Variants in UBE2D3 observed in about 807,000 individuals in gnomAD.
The protein encoded by UBE2D3 is ubiquitin-conjugating enzyme E2 D3.
Under a neutral mutation model 22.8 loss-of-function variants are expected in UBE2D3, and 2 were observed. That is an observed-to-expected ratio of 0.09 (90% CI 0.04 to 0.28). The LOEUF is 0.28. Ranked by LOEUF, UBE2D3 falls within the 10% of genes least tolerant of loss-of-function variation. UBE2D3 has a pLI of 1.00. For synonymous variants in UBE2D3, 56 were observed against 60.4 expected (o/e 0.93, Z 0.34); for missense variants, 27 against 182.5 (o/e 0.15, Z 4.91).
intron 1 of UBE2D3, among the ~76,000 whole-genome samples, chr4:102,844,744 C>T (rs547448030): frequency 2.6e-5 from 4 of 151,378 alleles, no homozygotes; most frequent in South Asian, 2.1e-4. Context: ...CAGCCTGGGC[C>T]GGGCGGTGGG....
At chr4:102,822,762 T>TGCCTCTACTAAAAAAACAAAGAAATTA (rs1729823430) in intron 2 of UBE2D3, among the ~76,000 whole-genome samples, 1 of 147,266 alleles carries the variant, frequency 6.8e-6, no homozygotes, top group African/African-American at 2.6e-5. Flanking sequence ...GGTGAAACCC[T>TGCCTCTACTAAAAAAACAAAGAAATTA]GCCTCTACTA....
At chr4:102,823,930 G>T (rs547317118) in intron 2 of UBE2D3, among the ~76,000 whole-genome samples, 1 of 152,204 alleles carries the variant, frequency 6.6e-6, no homozygotes, top group African/African-American at 2.4e-5. Flanking sequence ...GAATAAATTC[G>T]AAATAGGTAC....
At chr4:102,860,488 T>A (rs926941023) in intron 1 of UBE2D3, among the ~76,000 whole-genome samples, 8 of 151,586 alleles carry the variant, frequency 5.3e-5, no homozygotes, top group African/African-American at 1.9e-4. Context: ...AAGAGTCACT[T>A]CCTCCAGTCT....
chr4:102,821,516 G>C (rs537276867), intron 2 of UBE2D3, among the ~76,000 whole-genome samples: 2 of 152,228 alleles, frequency 1.3e-5, no homozygotes, highest in African/African-American at 4.8e-5. Flanking sequence ...TTCTTAATCA[G>C]AGAGGAGCTT....
chr4:102,826,667 G>A (rs1045797320), intron 1 of UBE2D3, 31 bp from the exon 2 acceptor site: 23 of 1,526,630 alleles, frequency 1.5e-5, no homozygotes, highest in Non-Finnish European at 1.9e-5. Flanking sequence ...ATCAGCACTC[G>A]CACAGGCCCC....
At position 102,826,630 on chromosome 4, in the gene UBE2D3, C is replaced by G; in HGVS notation, c.-122G>C. 6.3e-7 allele frequency: 1 copy of G among 1,578,732 alleles called. No individual in the cohort carries two copies. Among genetic ancestry groups the G allele is most frequent in the Non-Finnish European group, 8.5e-7 (1 of 1,170,756 alleles). Reference sequence around the variant, plus strand: ...CGTCTCACACCAGCTCTGCCAGACACAGGCGCCTTTTGCAAAAACGGAGCA... The same window carrying G: ...CGTCTCACACCAGCTCTGCCAGACAGAGGCGCCTTTTGCAAAAACGGAGCA... On this transcript the variant is annotated 5_prime_UTR_variant, in exon 2 of 8. Transcript: ENST00000453744.
At chr4:102,845,768 C>T (rs1239923040) in intron 1 of UBE2D3, among the ~76,000 whole-genome samples, 1 of 152,062 alleles carries the variant, frequency 6.6e-6, no homozygotes, top group Non-Finnish European at 1.5e-5. Context: ...ATTGTGCCTA[C>T]TTTGTCTCTG....
intron 4 of UBE2D3, among the ~76,000 whole-genome samples, chr4:102,808,114 A>C (rs1442379560): frequency 6.6e-6 from 1 of 152,230 alleles, no homozygotes; most frequent in Non-Finnish European, 1.5e-5. Flanking sequence ...TTGCAAAAGC[A>C]ACTGCTTTAC....
At chr4:102,849,728 A>G (rs143328710) in intron 1 of UBE2D3, among the ~76,000 whole-genome samples, 3 of 152,356 alleles carry the variant, frequency 2.0e-5, no homozygotes, top group African/African-American at 7.2e-5. Context: ...AAAATGAGAT[A>G]CCACTACATT....
chr4:102,862,826 T>C (rs1358572872), intron 1 of UBE2D3, among the ~76,000 whole-genome samples: 3 of 152,220 alleles, frequency 2.0e-5, no homozygotes, highest in Admixed American at 6.5e-5. Flanking sequence ...TGTAAAGGAA[T>C]ACCTGAGGTT....
At chr4:102,837,471 C>T (rs1389051113) in intron 1 of UBE2D3, among the ~76,000 whole-genome samples, 1 of 152,160 alleles carries the variant, frequency 6.6e-6, no homozygotes, top group Non-Finnish European at 1.5e-5. Flanking sequence ...TGCCATTTTT[C>T]CAACAGCATG....
chr4:102,858,397 T>C (rs1732727799), intron 1 of UBE2D3, among the ~76,000 whole-genome samples: 2 of 151,954 alleles, frequency 1.3e-5, no homozygotes, highest in African/African-American at 4.8e-5. Context: ...TAACGGTTCT[T>C]TGTGATGTTT....
intron 2 of UBE2D3, among the ~76,000 whole-genome samples, chr4:102,823,588 A>C (rs1376730155): frequency 6.6e-6 from 1 of 152,246 alleles, no homozygotes; most frequent in East Asian, 1.9e-4. Context: ...CGTCCCTAAA[A>C]CACATATATT....
upstream of UBE2D3, among the ~76,000 whole-genome samples, chr4:102,832,518 T>C (rs899302474): frequency 2.6e-5 from 4 of 152,054 alleles, no homozygotes; most frequent in African/African-American, 4.8e-5. Context: ...AAAGTATGTA[T>C]TGGGATGGAG....
intron 2 of UBE2D3, among the ~76,000 whole-genome samples, chr4:102,822,261 A>G (rs1303020693): frequency 6.6e-6 from 1 of 152,234 alleles, no homozygotes; most frequent in African/African-American, 2.4e-5. Flanking sequence ...CTGAGGTCCT[A>G]TTATTATCAG....
rs1156845274 is a variant in UBE2D3 at position 102,797,256 on chromosome 4, C to A, written c.*159G>T. On this transcript the variant is annotated 3_prime_UTR_variant, in exon 8 of 8. Coordinates refer to ENST00000453744, the MANE Select transcript of UBE2D3 (RefSeq NM_181891.3). ...AAAGCTGGAAGAACTTAAGTCTTCT[C>A]AGATGAGCATGTGAATGAATGGAGG... is the stretch of plus-strand genomic sequence containing the variant. 1 of 568,436 alleles carries A rather than the reference C, an allele frequency of 1.8e-6. No homozygotes were observed. Among genetic ancestry groups the A allele is most frequent in the Non-Finnish European group, 3.1e-6 (1 of 324,560 alleles). 35.2% of individuals were successfully genotyped at this position (568,436 alleles called of 1,614,324 possible). A position where few individuals can be genotyped will look rare whatever the true frequency, so the allele number is the denominator to read the frequency against.
intron 1 of UBE2D3, among the ~76,000 whole-genome samples, chr4:102,865,491 CAAAAA>C (rs10604973): frequency 3.0e-5 from 2 of 66,722 alleles, no homozygotes; most frequent in Non-Finnish European, 6.2e-5. Flanking sequence ...CTGTCTCAAC[CAAAAA>C]AAAAAAAAAA....
At chr4:102,812,026 T>C (rs1022118186) in intron 2 of UBE2D3, 6 of 190,804 alleles carry the variant, frequency 3.1e-5, no homozygotes, top group African/African-American at 4.8e-5. Context: ...TAACTTTTTT[T>C]CCTCAACTGT....
Position 102,846,027 on chromosome 4 carries a change from G to A in UBE2D3, c.-128-19391C>T, listed in dbSNP as rs372016786. 2.6e-5 allele frequency among the ~76,000 whole-genome samples: 4 copies of A among 152,302 alleles called. No homozygotes were observed. The East Asian group carries it at 7.7e-4, about 29-fold the overall frequency. ...GCTGGTCTCGGACTCCTGGCCTCAA[G>A]TGATCTGCCTGCGTTGGCCTCCCAA... On this transcript the variant is annotated intron_variant, in intron 1 of 7. Coordinates refer to the UBE2D3 transcript ENST00000338145.
Sources: gnomAD v4.1 joint callset for allele counts (sites outside exome capture counted in the v4.1 genomes callset) on GRCh38, gnomAD v4.1.1 for gene constraint, MANE v1.5 for transcripts, NCBI Gene and HGNC (gene_info 2026-07-23, HGNC 2026-07-21) for gene names.